The following SEMA6A variants were observed in gnomAD, a reference collection of about 807,000 sequenced individuals.
The protein encoded by SEMA6A is semaphorin-6A.
A neutral mutation model predicts 96.8 loss-of-function variants in SEMA6A; 25 were observed. The ratio of observed to expected loss-of-function variants is 0.26; its 90% CI spans 0.19 to 0.36. The LOEUF (loss-of-function observed/expected upper bound fraction) is 0.36. SEMA6A is among the 10% of genes least tolerant of loss of function. SEMA6A has a pLI of 1.00. For synonymous variants in SEMA6A, 612 were observed against 518.0 expected (o/e 1.18, Z -2.46); for missense variants, 1,363 against 1,323.1 (o/e 1.03, Z -0.47).
chr5:116,561,188 A>G (rs1760805565), intron 1 of SEMA6A, among the ~76,000 whole-genome samples: 1 of 152,204 alleles, frequency 6.6e-6, no homozygotes, highest in Admixed American at 6.5e-5. Flanking sequence ...GAGGGTTGTG[A>G]TAAGATGAAA....
chr5:116,564,294 A>C, intron 1 of SEMA6A, among the ~76,000 whole-genome samples: 1 of 152,252 alleles, frequency 6.6e-6, no homozygotes, highest in East Asian at 1.9e-4. Context: ...GATTTTCTAG[A>C]TTAGTCCCAT....
intron 7 of SEMA6A, 71 bp downstream of exon 7, chr5:116,491,669 T>C (rs1350180070): frequency 1.8e-6 from 2 of 1,142,558 alleles, no homozygotes; most frequent in East Asian, 4.7e-5. Context: ...ACGAATCCTC[T>C]AGAGCAGATT....
chr5:116,484,707 A>G (rs1043578990), intron 10 of SEMA6A, among the ~76,000 whole-genome samples: 1 of 152,222 alleles, frequency 6.6e-6, no homozygotes, highest in African/African-American at 2.4e-5. Context: ...AGTATGAAAG[A>G]AGTATGCACA....
In SEMA6A at chr5:116,482,473, T is replaced by G. The variant is rs974820017; in HGVS notation, c.1065A>C (p.Pro355=). The change falls in exon 11 of 19, where the codon CCA becomes CCC. Residue 355 remains proline (P), a synonymous_variant. Transcript: ENST00000343348. ...EQKSPDSTWT[P]VPDERVPKPR... ...GCTTAGGAACTCGTTCATCAGGAAC[T>G]GGTGTCCAGGTGGAATCAGGAGACT... 6.2e-7 allele frequency: 1 copy of G among 1,613,520 alleles called. No individual in the cohort carries two copies. The highest frequency in any genetic ancestry group is 2.2e-5 in the East Asian group (1 of 44,824).
chr5:116,490,040 G>C (rs557305371), intron 7 of SEMA6A, among the ~76,000 whole-genome samples: 1 of 152,062 alleles, frequency 6.6e-6, no homozygotes, highest in East Asian at 1.9e-4. Context: ...AAACATAATG[G>C]TTTATTGTTT....
At chr5:116,562,213 G>C (rs1375770396) in intron 1 of SEMA6A, among the ~76,000 whole-genome samples, 3 of 152,136 alleles carry the variant, frequency 2.0e-5, no homozygotes, top group Non-Finnish European at 4.4e-5. Flanking sequence ...TTTAATTTCA[G>C]TAATTTCTCA....
intron 18 of SEMA6A, among the ~76,000 whole-genome samples, chr5:116,464,800 G>A (rs1755631085): frequency 6.6e-6 from 1 of 152,170 alleles, no homozygotes. Context: ...AGAATTGTTT[G>A]GAGGATGAAG....
chr5:116,476,695 T>C (rs1756468572), intron 15 of SEMA6A, among the ~76,000 whole-genome samples: 1 of 152,228 alleles, frequency 6.6e-6, no homozygotes, highest in African/African-American at 2.4e-5. Context: ...TTCGGTCACA[T>C]GTTGAACATA....
At chr5:116,489,566 A>G (rs1350849674) in intron 7 of SEMA6A, among the ~76,000 whole-genome samples, 1 of 152,256 alleles carries the variant, frequency 6.6e-6, no homozygotes, top group Non-Finnish European at 1.5e-5. Context: ...CTCAGGCTTG[A>G]CAGTTCACTA....
At position 116,446,494 on chromosome 5, in the gene SEMA6A, C is replaced by G. The variant is rs1036668920; in HGVS notation, c.*119G>C. On this transcript the variant is annotated 3_prime_UTR_variant, in exon 19 of 19. Transcript: ENST00000343348. ...CCCAGAGAGGAGGACCCAGCGTCCT[C>G]GGCTCTGCCGCAGGCCTTCTTGGTC... 2 of 878,460 alleles carry G rather than the reference C, an allele frequency of 2.3e-6. No homozygotes were observed. Among genetic ancestry groups the G allele is most frequent in the African/African-American group, 1.7e-5 (1 of 58,916 alleles). 54.4% of individuals were successfully genotyped at this position (878,460 alleles called of 1,614,324 possible). A position where few individuals can be genotyped will look rare whatever the true frequency, so the allele number is the denominator to read the frequency against.
At chr5:116,496,364 G>C (rs1757604741) in intron 4 of SEMA6A, 51 bp from the exon 5 acceptor site, 1 of 1,529,366 alleles carries the variant, frequency 6.5e-7, no homozygotes, top group Non-Finnish European at 9.0e-7. Flanking sequence ...TGTTGCGTTT[G>C]ATTTTAGAAG....
intron 1 of SEMA6A, among the ~76,000 whole-genome samples, chr5:116,551,249 G>A (rs254231): frequency 0.42 from 62,676 of 150,936 alleles, 15,333 homozygotes; most frequent in East Asian, 0.55. Context: ...AATGGATAAC[G>A]TAGGCAATAA....
At chr5:116,509,672 T>C (rs1758318719) in intron 1 of SEMA6A, among the ~76,000 whole-genome samples, 1 of 151,874 alleles carries the variant, frequency 6.6e-6, no homozygotes, top group African/African-American at 2.4e-5. Context: ...CTCTGGGTCA[T>C]GTAACACATT....
intron 1 of SEMA6A, among the ~76,000 whole-genome samples, chr5:116,561,590 A>G (rs1245646665): frequency 6.6e-6 from 1 of 152,260 alleles, no homozygotes; most frequent in Non-Finnish European, 1.5e-5. Flanking sequence ...TTCTACGCAG[A>G]ATTTGCATTT....
At chr5:116,547,628 C>T (rs1760235655) in intron 1 of SEMA6A, among the ~76,000 whole-genome samples, 1 of 146,974 alleles carries the variant, frequency 6.8e-6, no homozygotes, top group Admixed American at 7.0e-5. Context: ...GCTTTTATTT[C>T]ATAACAGTAT....
At position 116,446,708 on chromosome 5, in the gene SEMA6A, GC is replaced by G; in HGVS notation, c.2997del (p.Leu1000Ter). ...LNAYNSLTRS[G>X]LKRTPSLKPD... ...GGCTTTAGCGAGGGCGTACGCTTCA[GC>G]CCCGACCTTGTCAGTGAGTTGTAGG... On this transcript the variant is annotated frameshift_variant, in exon 19 of 19. Transcript: ENST00000343348. LOFTEE classifies it high-confidence loss of function. The G allele has an allele frequency of 6.3e-7, 1 of 1,594,408 alleles. No homozygotes were observed. The highest frequency in any genetic ancestry group is 8.5e-7 in the Non-Finnish European group (1 of 1,169,872).
intron 18 of SEMA6A, chr5:116,449,469 C>G: frequency 1.6e-6 from 1 of 634,438 alleles, no homozygotes; most frequent in South Asian, 1.8e-5. Context: ...AACACGCAAC[C>G]TTAAACTTCT....
At chr5:116,526,421 A>G (rs1759226518) in intron 1 of SEMA6A, among the ~76,000 whole-genome samples, 2 of 152,182 alleles carry the variant, frequency 1.3e-5, no homozygotes, top group Admixed American at 6.6e-5. Flanking sequence ...TTTGTTTACT[A>G]ATCTATCCAC....
intron 17 of SEMA6A, chr5:116,468,477 G>A (rs1237010249): frequency 6.6e-6 from 1 of 152,182 alleles, no homozygotes; most frequent in Non-Finnish European, 1.5e-5. Flanking sequence ...TTCTGAGGCT[G>A]CGTTGACTAA....
Sources: allele counts gnomAD v4.1 joint callset (sites outside exome capture counted in the v4.1 genomes callset), GRCh38; gene constraint gnomAD v4.1.1; transcripts MANE v1.5; gene names NCBI Gene and HGNC (gene_info 2026-07-23, HGNC 2026-07-21).